TSNARE1: variants seen among roughly 807,000 people sequenced by gnomAD.
TSNARE1 encodes the protein t-SNARE domain-containing protein 1.
Under a neutral mutation model 62.0 loss-of-function variants are expected in TSNARE1, and 49 were observed. The observed-to-expected ratio is 0.79, with a 90% CI of 0.63 to 1.00. The LOEUF is 1.00. TSNARE1 is among the 50% of genes least tolerant of loss of function. The pLI is 0.00. For synonymous variants in TSNARE1, 328 were observed against 294.4 expected (o/e 1.11, Z -1.17); for missense variants, 755 against 700.1 (o/e 1.08, Z -0.88).
chr8:142,376,255 G>A (rs1468697951), intron 1 of TSNARE1, among the ~76,000 whole-genome samples: 1 of 152,152 alleles, frequency 6.6e-6, no homozygotes, highest in Non-Finnish European at 1.5e-5. Flanking sequence ...GTGTCTTGGT[G>A]CCCTGTTTTC....
intron 1 of TSNARE1, among the ~76,000 whole-genome samples, chr8:142,371,429 T>A (rs1835906088): frequency 6.6e-6 from 1 of 152,248 alleles, no homozygotes; most frequent in Non-Finnish European, 1.5e-5. Flanking sequence ...GTCCGGTGTC[T>A]TGACGACAGT....
intron 13 of TSNARE1, among the ~76,000 whole-genome samples, chr8:142,214,785 C>A (rs1327547773): frequency 6.6e-6 from 1 of 152,216 alleles, no homozygotes; most frequent in Non-Finnish European, 1.5e-5. Flanking sequence ...CCCGCCCTCC[C>A]TCCGCCACGT....
chr8:142,284,358 C>T, intron 11 of TSNARE1, 55 bp downstream of exon 11: 7 of 1,442,212 alleles, frequency 4.9e-6, no homozygotes, highest in Non-Finnish European at 3.9e-6. Context: ...GGGCTGGGGG[C>T]TGGCAGGCAG....
At chr8:142,331,649 G>T in intron 5 of TSNARE1, 105 bp downstream of exon 5, 1 of 1,131,260 alleles carries the variant, frequency 8.8e-7, no homozygotes, top group Non-Finnish European at 1.3e-6. Context: ...TGCACCGCAG[G>T]ATGGCCTGAG....
At chr8:142,217,870 G>A (rs1423910167) in intron 13 of TSNARE1, among the ~76,000 whole-genome samples, 2 of 147,692 alleles carry the variant, frequency 1.4e-5, no homozygotes, top group African/African-American at 2.6e-5. Flanking sequence ...GGCTCAGTGT[G>A]TGGCCAGGAT....
At chr8:142,395,379 G>C (rs1253465924) in intron 1 of TSNARE1, among the ~76,000 whole-genome samples, 2 of 152,108 alleles carry the variant, frequency 1.3e-5, no homozygotes, top group Non-Finnish European at 2.9e-5. Flanking sequence ...CCCCAGCGGA[G>C]ACTTCAACAG....
At chr8:142,288,803 T>C (rs544824097) in intron 10 of TSNARE1, among the ~76,000 whole-genome samples, 1 of 152,310 alleles carries the variant, frequency 6.6e-6, no homozygotes, top group South Asian at 2.1e-4. Context: ...AGACACAAAA[T>C]GTTAATTTGC....
In TSNARE1 at chr8:142,279,106, T is replaced by A. The variant is rs561339256; in HGVS notation, c.1364-4243A>T. On this transcript the variant is annotated intron_variant, in intron 11 of 13. Transcript: ENST00000524325. ...GAGAGCGGAGGGAAGCCCTCCTTCT[T>A]CCCAGACACCCCTGTCTTCAGACCC... 8.5e-5 allele frequency among the ~76,000 whole-genome samples: 13 copies of A among 152,164 alleles called. No homozygotes were observed. In the South Asian group the frequency reaches 2.7e-3, roughly 32 times the overall value.
intron 4 of TSNARE1, among the ~76,000 whole-genome samples, chr8:142,335,319 C>T (rs1330653824): frequency 6.6e-6 from 1 of 151,664 alleles, no homozygotes; most frequent in East Asian, 1.9e-4. Context: ...ATTGAAACCA[C>T]GTCAACAAGG....
chr8:142,365,764 C>A, intron 1 of TSNARE1: 6 of 257,368 alleles, frequency 2.3e-5, no homozygotes, highest in South Asian at 3.3e-5. Flanking sequence ...AAATTATGTC[C>A]AAAAGTCCTA....
intron 2 of TSNARE1, among the ~76,000 whole-genome samples, chr8:142,348,607 GCC>G (rs1833688498): frequency 8.6e-6 from 1 of 116,852 alleles, no homozygotes; most frequent in Non-Finnish European, 1.8e-5. Context: ...GCCCCAGGCT[GCC>G]CCAAAGCTGG....
rs759046204 is a variant in TSNARE1, at chr8:142,345,771, C to A, written c.210G>T (p.Thr70=). 11 of 1,612,758 alleles carry A rather than the reference C, an allele frequency of 6.8e-6. No homozygotes were observed. Among genetic ancestry groups the A allele is most frequent in the Middle Eastern group, 1.6e-4 (1 of 6,078 alleles). The change falls in exon 3 of 14, where the codon ACG becomes ACT. Residue 70 remains threonine, a synonymous_variant. Transcript: ENST00000524325. ...DGEGDLGPAG[T]PIVPRARKRG... is the part of the protein sequence containing the mutation. ...GCTTCCTGGCCCTTGGGACAATAGG[C>A]GTGCCTGCTGGCCCCAGATCACCTT...
chr8:142,357,411 C>T (rs981286384), intron 1 of TSNARE1, among the ~76,000 whole-genome samples: 10 of 152,152 alleles, frequency 6.6e-5, no homozygotes, highest in South Asian at 2.1e-4. Flanking sequence ...GATGGTGGGG[C>T]GCTGGTGGGG....
rs570854798 is a variant in TSNARE1 at position 142,295,910 on chromosome 8, C to T, written c.1290+4576G>A. ...AGATGCTACCTGTGGGACCTGCGTC[C>T]ATCCTGGGTGCCGGCAGTGAGGGCT... On this transcript the variant is annotated intron_variant, in intron 10 of 13. Transcript: ENST00000524325. Among the ~76,000 whole-genome samples the T allele has an allele frequency of 9.3e-5, 14 of 149,778 alleles. No homozygotes were observed. The East Asian group carries it at 2.8e-3, about 30-fold the overall frequency.
upstream of TSNARE1, chr8:142,404,110 G>A (rs1444638286): frequency 6.6e-6 from 1 of 152,318 alleles, no homozygotes; most frequent in Non-Finnish European, 1.5e-5. Flanking sequence ...TGTGATGCTT[G>A]CTGTGCTTGC....
chr8:142,279,528 T>C (rs528845725), intron 11 of TSNARE1, among the ~76,000 whole-genome samples: 3 of 152,326 alleles, frequency 2.0e-5, no homozygotes, highest in African/African-American at 7.2e-5. Context: ...GCATCCCATC[T>C]GGACACCCGG....
At chr8:142,396,914 G>A (rs1382590256) in intron 1 of TSNARE1, among the ~76,000 whole-genome samples, 1 of 152,240 alleles carries the variant, frequency 6.6e-6, no homozygotes, top group Non-Finnish European at 1.5e-5. Flanking sequence ...CCGTGCCATG[G>A]CTGACCAGGT....
chr8:142,261,223 G>T (rs1040040776), intron 12 of TSNARE1, among the ~76,000 whole-genome samples: 2 of 121,304 alleles, frequency 1.6e-5, no homozygotes, highest in Admixed American at 1.6e-4. Context: ...GGAGGAGGGA[G>T]AGAAGGGAAG....
chr8:142,215,267 C>G (rs1454384628), intron 13 of TSNARE1, among the ~76,000 whole-genome samples: 1 of 152,232 alleles, frequency 6.6e-6, no homozygotes, highest in African/African-American at 2.4e-5. Flanking sequence ...AGGCACCCCC[C>G]ACTTCCTAGC....
Sources: allele counts gnomAD v4.1 joint callset (sites outside exome capture counted in the v4.1 genomes callset), GRCh38; gene constraint gnomAD v4.1.1; transcripts MANE v1.5; gene names NCBI Gene and HGNC (gene_info 2026-07-23, HGNC 2026-07-21).